Variants in PODXL observed in about 807,000 individuals in gnomAD.
PODXL encodes podocalyxin like.
In PODXL, 20 loss-of-function variants were observed where a neutral mutation model predicts 48.9. The observed-to-expected ratio is 0.41, with a 90% CI of 0.29 to 0.59. The LOEUF is 0.59. Among genes scored for constraint, PODXL ranks in the 20% least tolerant of loss-of-function variants. The pLI is 0.31. For synonymous variants in PODXL, 295 were observed against 287.4 expected (o/e 1.03, Z -0.27); for missense variants, 606 against 675.1 (o/e 0.90, Z 1.13).
At chr7:131,530,248 C>T (rs546893560) in intron 1 of PODXL, among the ~76,000 whole-genome samples, 13 of 150,686 alleles carry the variant, frequency 8.6e-5, no homozygotes, top group Non-Finnish European at 1.3e-4. Flanking sequence ...GGCAGGACAG[C>T]GAGGCAGGGT....
chr7:131,544,655 CTACG>C (rs1441527276), intron 1 of PODXL, among the ~76,000 whole-genome samples: 1 of 16,660 alleles, frequency 6.0e-5, no homozygotes, highest in Non-Finnish European at 6.9e-4. Context: ...ACGCCCTGTA[CTACG>C]CACGCACGCC....
At position 131,505,854 on chromosome 7, in the gene PODXL, A is replaced by T; in HGVS notation, c.1479+14T>A. ...TGGGCTGCTTCCCCTGTGTGGCTGC[A>T]AACAGCTGCTTACCTGGTCCTTCCT... On this transcript the variant is annotated intron_variant, in intron 8 of 8. Transcript: ENST00000378555. The T allele has an allele frequency of 6.4e-7, 1 of 1,550,748 alleles. No individual in the cohort carries two copies. The highest frequency in any genetic ancestry group is 8.7e-7 in the Non-Finnish European group (1 of 1,147,464).
Position 131,509,006 on chromosome 7 carries a change from G to C in PODXL, c.1046C>G (p.Thr349Arg). The change falls in exon 5 of 9, where the codon ACA becomes AGA. Residue 349 changes from threonine to arginine, a missense_variant. Transcript: ENST00000378555. Reference protein sequence around the residue: ...SNWAKCEDLETQTQSEKQLVL... With the variant: ...SNWAKCEDLERQTQSEKQLVL... ...GAGCTGCTTCTCACTCTGTGTCTGT[G>C]TCTCAAGATCCTCACACTTTGCCTG... 2 of 1,613,902 alleles carry C rather than the reference G, an allele frequency of 1.2e-6. No homozygotes were observed. Among genetic ancestry groups the C allele is most frequent in the Non-Finnish European group, 1.7e-6 (2 of 1,179,774 alleles).
At chr7:131,543,015 C>G (rs932233569) in intron 1 of PODXL, among the ~76,000 whole-genome samples, 1 of 152,222 alleles carries the variant, frequency 6.6e-6, no homozygotes, top group Non-Finnish European at 1.5e-5. Context: ...GGGCTGAGTT[C>G]ACGGTGCTCT....
At chr7:131,547,481 T>A (rs1365772978) in intron 1 of PODXL, among the ~76,000 whole-genome samples, 3 of 148,476 alleles carry the variant, frequency 2.0e-5, no homozygotes, top group Admixed American at 6.8e-5. Flanking sequence ...GAGGGCACAA[T>A]ACCTATTTTC....
chr7:131,538,788 C>A (rs1425654345), intron 1 of PODXL, among the ~76,000 whole-genome samples: 1 of 152,174 alleles, frequency 6.6e-6, no homozygotes, highest in African/African-American at 2.4e-5. Context: ...AGAGGCGTCC[C>A]CATGCCGAGC....
chr7:131,528,876 T>G (rs1420543041), intron 1 of PODXL, among the ~76,000 whole-genome samples: 2 of 152,072 alleles, frequency 1.3e-5, no homozygotes, highest in African/African-American at 4.8e-5. Context: ...TAAGGCCAGG[T>G]AGGGGCTGAC....
At chr7:131,538,021 C>T (rs984350811) in intron 1 of PODXL, among the ~76,000 whole-genome samples, 24 of 152,178 alleles carry the variant, frequency 1.6e-4, no homozygotes, top group African/African-American at 1.4e-4. Flanking sequence ...ATAGGGCTTC[C>T]GTGACCATCG....
At position 131,548,856 on chromosome 7, in the gene PODXL, A is replaced by G. The variant is rs192875400; in HGVS notation, c.100+7404T>C. Among the ~76,000 whole-genome samples the G allele has an allele frequency of 9.5e-4, 144 of 152,108 alleles. 2 individuals carry two copies. The East Asian group carries it at 0.024, about 25-fold the overall frequency. On this transcript the variant is annotated intron_variant, in intron 1 of 8. Transcript: ENST00000378555. ...GGACCTAGGCCGGCCCCCACCTGCC[A>G]CCTCTTTCTTGAATCAGGTAGCCTT...
At chr7:131,523,964 A>C (rs1311976972) in intron 1 of PODXL, among the ~76,000 whole-genome samples, 11 of 151,622 alleles carry the variant, frequency 7.3e-5, no homozygotes, top group Admixed American at 2.0e-4. Flanking sequence ...ACGCCCAGTT[A>C]ATTTTTTGTA....
chr7:131,529,862 C>A, intron 1 of PODXL, among the ~76,000 whole-genome samples: 1 of 152,112 alleles, frequency 6.6e-6, no homozygotes, highest in East Asian at 1.9e-4. Context: ...ACACTGTATA[C>A]TAGGTAAGCC....
At chr7:131,538,341 A>C (rs994015727) in intron 1 of PODXL, among the ~76,000 whole-genome samples, 1 of 152,174 alleles carries the variant, frequency 6.6e-6, no homozygotes, top group Non-Finnish European at 1.5e-5. Context: ...GCGGGGAGCC[A>C]GCCTCATCCT....
intron 8 of PODXL, among the ~76,000 whole-genome samples, chr7:131,505,027 G>T (rs1346618246): frequency 6.6e-6 from 1 of 152,116 alleles, no homozygotes; most frequent in East Asian, 1.9e-4. Flanking sequence ...ATCACCTGGG[G>T]AGCTTTTAAC....
intron 1 of PODXL, among the ~76,000 whole-genome samples, chr7:131,534,684 C>T (rs923836436): frequency 6.6e-6 from 1 of 152,108 alleles, no homozygotes; most frequent in Non-Finnish European, 1.5e-5. Context: ...TGGGTGTGGA[C>T]CAAGATGGAA....
At position 131,509,475 on chromosome 7, in the gene PODXL, A is replaced by G. The variant is rs776459222; in HGVS notation, c.913T>C (p.Leu305=). ...TVQPTSPATA[L]RTPTLPETMS... ...GTCTCTGGCAGGGTAGGTGTTCTCAATGCCGTTGCCGGGCTCGTGGGCTGC... is the reference window on the plus strand; with the variant it reads ...GTCTCTGGCAGGGTAGGTGTTCTCAGTGCCGTTGCCGGGCTCGTGGGCTGC... Residue 305 remains leucine, a synonymous_variant, in exon 4 of 9, where the codon TTG becomes CTG. Transcript: ENST00000378555. 10 of 1,613,840 alleles carry G rather than the reference A, an allele frequency of 6.2e-6. No individual in the cohort carries two copies. The highest frequency in any genetic ancestry group is 7.6e-6 in the Non-Finnish European group (9 of 1,179,910).
At chr7:131,522,684 T>C (rs1355375562) in intron 1 of PODXL, among the ~76,000 whole-genome samples, 1 of 143,406 alleles carries the variant, frequency 7.0e-6, no homozygotes, top group East Asian at 1.9e-4. Flanking sequence ...AGCCACACAG[T>C]AGGCAGCCAC....
Position 131,506,285 on chromosome 7 carries a change from T to C in PODXL, c.1286A>G (p.Lys429Arg), listed in dbSNP as rs1435851692. 3.7e-6 allele frequency: 6 copies of C among 1,614,086 alleles called. No homozygotes were observed. Among genetic ancestry groups the C allele is most frequent in the Non-Finnish European group, 5.1e-6 (6 of 1,180,026 alleles). ...CTCCTTTAGTTCATCCCATTTGTCC[T>C]TCAGCCGCTCGTACACATCCTTGGC... ...LPAKDVYERL[K>R]DKWDELKEAG... Residue 429 changes from lysine to arginine, a missense_variant, in exon 7 of 9, where the codon AAG becomes AGG. Transcript: ENST00000378555.
intron 3 of PODXL, 118 bp from the exon 4 acceptor site, chr7:131,509,703 C>T (rs1247241195): frequency 1.9e-5 from 12 of 633,260 alleles, no homozygotes; most frequent in Middle Eastern, 3.5e-4. Flanking sequence ...CCCACAGAGA[C>T]GGAAGAAGTG....
chr7:131,547,023 G>A (rs555407621), intron 1 of PODXL, among the ~76,000 whole-genome samples: 2 of 152,198 alleles, frequency 1.3e-5, no homozygotes, highest in African/African-American at 4.8e-5. Context: ...GGCGTTGGGG[G>A]TGGGGTAACA....
Sources: allele counts gnomAD v4.1 joint callset (sites outside exome capture counted in the v4.1 genomes callset), GRCh38; gene constraint gnomAD v4.1.1; transcripts MANE v1.5; gene names NCBI Gene and HGNC (gene_info 2026-07-23, HGNC 2026-07-21).